Variants in SEMA5B observed in about 807,000 individuals in gnomAD.
SEMA5B encodes semaphorin 5B.
Under a neutral mutation model 135.0 loss-of-function variants are expected in SEMA5B, and 66 were observed. The ratio of observed to expected loss-of-function variants is 0.49; its 90% confidence interval spans 0.40 to 0.60. The LOEUF is 0.60. SEMA5B is among the 20% of genes least tolerant of loss of function. The pLI is 0.00. For missense variants in SEMA5B, 1,501 were observed against 1,566.3 expected, an observed-to-expected ratio of 0.96 and a Z score of 0.70; for synonymous variants, 690 against 639.5, an observed-to-expected ratio of 1.08 and a Z score of -1.19.
At chr3:123,028,058 C>T (rs904146420), upstream of SEMA5B, among the ~76,000 whole-genome samples, 22 of 152,174 alleles carry the variant, frequency 1.4e-4, no homozygotes, top group African/African-American at 3.9e-4. Context: ...ACTCCGAGCA[C>T]TTGCCGCCGT....
chr3:122,943,857 T>C (rs977766634), intron 3 of SEMA5B, among the ~76,000 whole-genome samples: 3 of 152,202 alleles, frequency 2.0e-5, no homozygotes, highest in Non-Finnish European at 4.4e-5. Flanking sequence ...CTGCCTGTTC[T>C]ACCTCTACAC....
At chr3:122,945,203 GA>G (rs1939731210) in intron 3 of SEMA5B, among the ~76,000 whole-genome samples, 2 of 152,124 alleles carry the variant, frequency 1.3e-5, no homozygotes, top group Non-Finnish European at 2.9e-5. Context: ...AAAAGAAGAA[GA>G]AAGAAATTCT....
intron 12 of SEMA5B, among the ~76,000 whole-genome samples, chr3:122,920,314 T>A (rs1472129298): frequency 6.6e-6 from 1 of 152,198 alleles, no homozygotes; most frequent in Non-Finnish European, 1.5e-5. Context: ...GAAGGCCACT[T>A]GGTGCCTTGG....
At chr3:122,942,864 G>A (rs1297263390) in intron 4 of SEMA5B, among the ~76,000 whole-genome samples, 1 of 152,178 alleles carries the variant, frequency 6.6e-6, no homozygotes, top group African/African-American at 2.4e-5. Context: ...CCCTACCAGA[G>A]CCAATGTTCT....
chr3:122,971,563 G>T lies in SEMA5B; in HGVS notation c.-38-10262C>A, dbSNP rs146676439. On this transcript the variant is annotated intron_variant, in intron 1 of 22. Coordinates refer to ENST00000357599, the MANE Select transcript of SEMA5B (RefSeq NM_001031702.4). ...ATGAAGCAAAGATATTAACAGGTCT[G>T]CCAAGAGCCAGCAAGAATAAGGTCT... is the stretch of plus-strand genomic sequence containing the variant. Among the ~76,000 whole-genome samples, 188 of 152,372 alleles carry T rather than the reference G, an allele frequency of 1.2e-3. 1 individual carries two copies. Among genetic ancestry groups the T allele is most frequent in the African/African-American group, 4.4e-3 (185 of 41,600 alleles).
intron 1 of SEMA5B, among the ~76,000 whole-genome samples, chr3:123,006,239 C>A (rs1020086648): frequency 2.0e-5 from 3 of 152,090 alleles, no homozygotes; most frequent in Non-Finnish European, 4.4e-5. Context: ...GGTACATGAA[C>A]CAAATGAGGG....
intron 1 of SEMA5B, among the ~76,000 whole-genome samples, chr3:122,963,424 C>G (rs558358278): frequency 6.7e-6 from 1 of 149,608 alleles, no homozygotes; most frequent in East Asian, 2.0e-4. Flanking sequence ...ACCCAGGAGG[C>G]GGAGGTTGTA....
intron 5 of SEMA5B, among the ~76,000 whole-genome samples, chr3:122,939,169 C>T (rs374935182): frequency 1.3e-5 from 2 of 152,272 alleles, no homozygotes; most frequent in African/African-American, 4.8e-5. Context: ...TTTCTCCCTT[C>T]CTCATTAGCA....
At chr3:122,961,086 T>TCC in intron 2 of SEMA5B, 54 bp downstream of exon 2, 2 of 1,518,752 alleles carry the variant, frequency 1.3e-6, no homozygotes, top group East Asian at 4.6e-5. Context: ...CTCCCTGCTC[T>TCC]CCCCTCAGTC....
At chr3:122,928,829 C>T (rs907806164) in intron 6 of SEMA5B, among the ~76,000 whole-genome samples, 167 bp downstream of exon 6, 8 of 151,154 alleles carry the variant, frequency 5.3e-5, no homozygotes, top group Non-Finnish European at 8.9e-5. Flanking sequence ...ATGCTCAGGA[C>T]CAGCTCGCCA....
Position 122,964,538 on chromosome 3 carries a change from C to T in SEMA5B, c.-38-3237G>A, listed in dbSNP as rs558525650. Among the ~76,000 whole-genome samples, 3 of 152,166 alleles carry T rather than the reference C, an allele frequency of 2.0e-5. No individual in the cohort carries two copies. In the South Asian group the frequency reaches 6.2e-4, roughly 32 times the overall value. The stretch of plus-strand genomic sequence containing the variant: ...GCAACCACTTGCATTTTTTGAAATC[C>T]CTATGTGCACCAAACAAAACATGTC... On this transcript the variant is annotated intron_variant, in intron 1 of 22. Transcript: ENST00000357599.
At chr3:122,918,993 CTTTT>C (rs63373262) in intron 12 of SEMA5B, among the ~76,000 whole-genome samples, 2,079 of 80,342 alleles carry the variant, frequency 0.026, 53 homozygotes, top group African/African-American at 0.081. Context: ...ATCACCATGT[CTTTT>C]TTTTTTTTTT....
intron 1 of SEMA5B, among the ~76,000 whole-genome samples, chr3:123,006,891 A>G (rs2107778710): frequency 6.6e-6 from 1 of 152,272 alleles, no homozygotes; most frequent in Middle Eastern, 3.4e-3. Flanking sequence ...GCTTTGCACC[A>G]CAAACAAGCC....
At chr3:122,915,027 C>T (rs1459086727) in intron 14 of SEMA5B, among the ~76,000 whole-genome samples, 2 of 152,220 alleles carry the variant, frequency 1.3e-5, no homozygotes, top group African/African-American at 4.8e-5. Flanking sequence ...ATAACCCTCA[C>T]TAAGAGAAGC....
At chr3:123,025,415 T>C (rs1444817) in intron 1 of SEMA5B, among the ~76,000 whole-genome samples, 359 of 152,336 alleles carry the variant, frequency 2.4e-3, no homozygotes, top group Admixed American at 0.019. Flanking sequence ...GTGAACTTAC[T>C]AACCTCTCTG....
rs951762249 is a variant in SEMA5B at position 122,913,687 on chromosome 3, G to A, written c.2133-6C>T. On this transcript the variant is annotated splice_region_variant and splice_polypyrimidine_tract_variant and intron_variant, in intron 15 of 22. Transcript: ENST00000357599. ...GCGTGTTCTCATTACAGAACCTGGG[G>A]TCGGGGGAGAGGCGTCAATCCAGGG... 1.2e-6 allele frequency: 2 copies of A among 1,613,150 alleles called. No individual in the cohort carries two copies. The highest frequency in any genetic ancestry group is 1.7e-4 in the Middle Eastern group (1 of 6,056).
At chr3:122,916,597 G>A (rs1052449721) in intron 12 of SEMA5B, among the ~76,000 whole-genome samples, 7 of 152,248 alleles carry the variant, frequency 4.6e-5, no homozygotes, top group African/African-American at 1.7e-4. Flanking sequence ...GGTGGAGCTG[G>A]GCCCAGACCT....
At chr3:122,936,868 C>G (rs575152130) in intron 5 of SEMA5B, among the ~76,000 whole-genome samples, 17 of 152,346 alleles carry the variant, frequency 1.1e-4, no homozygotes, top group South Asian at 2.1e-4. Flanking sequence ...TGGGAAGGAG[C>G]TGGGCATTCG....
At chr3:122,958,883 A>G (rs1682532055) in intron 2 of SEMA5B, among the ~76,000 whole-genome samples, 5 of 152,166 alleles carry the variant, frequency 3.3e-5, no homozygotes, top group Admixed American at 2.6e-4. Context: ...ATATATTCCT[A>G]GAAACCTCCA....
Sources: gnomAD v4.1 joint callset for allele counts (sites outside exome capture counted in the v4.1 genomes callset) on GRCh38, gnomAD v4.1.1 for gene constraint, MANE v1.5 for transcripts, NCBI Gene and HGNC (gene_info 2026-07-23, HGNC 2026-07-21) for gene names.